GNB4: variants seen among roughly 807,000 people sequenced by gnomAD.
GNB4 encodes the protein G protein subunit beta 4, also known as guanine nucleotide-binding protein subunit beta-4.
In GNB4, 28 loss-of-function variants were observed where a neutral mutation model predicts 45.2. The ratio of observed to expected loss-of-function variants is 0.62; its 90% CI spans 0.46 to 0.85. The LOEUF is 0.85. GNB4 is among the 40% of genes least tolerant of loss of function. The probability of loss-of-function intolerance (pLI) is 0.00; values close to 1 mark genes in which losing one functional copy is unlikely to be tolerated. For missense variants in GNB4, 321 were observed against 425.4 expected (o/e 0.75, Z 2.16); for synonymous variants, 132 against 143.7 (o/e 0.92, Z 0.58).
At chr3:179,462,529 T>G in the GNB4 span, among the ~76,000 whole-genome samples, 1 of 152,180 alleles carries the variant, frequency 6.6e-6, no homozygotes, top group Non-Finnish European at 1.5e-5. Context: ...TGAACTTCTT[T>G]TTTAAAATCT....
chr3:179,488,839 C>G, the GNB4 span, among the ~76,000 whole-genome samples: 1 of 150,316 alleles, frequency 6.7e-6, no homozygotes, highest in Non-Finnish European at 1.5e-5. Context: ...AAAACATTTG[C>G]CAGGCATGGT....
the GNB4 span, among the ~76,000 whole-genome samples, chr3:179,500,515 G>A: frequency 5.3e-5 from 8 of 152,270 alleles, no homozygotes; most frequent in East Asian, 1.9e-4. Flanking sequence ...GTCAGGTAGC[G>A]TGATGCCTCC....
intron 8 of GNB4, among the ~76,000 whole-genome samples, chr3:179,408,969 G>A (rs953467941): frequency 6.8e-6 from 1 of 147,176 alleles, no homozygotes; most frequent in African/African-American, 2.5e-5. Flanking sequence ...AACATGGCAA[G>A]ACCCTATCTC....
the GNB4 span, among the ~76,000 whole-genome samples, chr3:179,460,237 G>A: frequency 6.6e-6 from 1 of 152,188 alleles, no homozygotes; most frequent in Non-Finnish European, 1.5e-5. Context: ...GTGTTAGGGA[G>A]TTTGTATTTT....
chr3:179,446,587 A>AT (rs921446673), intron 1 of GNB4, among the ~76,000 whole-genome samples: 41 of 151,880 alleles, frequency 2.7e-4, no homozygotes, highest in African/African-American at 8.9e-4. Flanking sequence ...TTTCAAATCT[A>AT]TTTTTTTTAA....
At position 179,413,692 on chromosome 3, in the gene GNB4, G is replaced by A. The variant is rs375356541; in HGVS notation, c.497+23C>T. 1.9e-6 allele frequency: 3 copies of A among 1,611,752 alleles called. No individual in the cohort carries two copies. The African/African-American group carries it at 4.0e-5, about 22-fold the overall frequency. Reference sequence around the variant, plus strand: ...GCTACCACCCTCAAACCCATAATCAGTGTGCTTCTGGAATAAACTTACCAA... The same window carrying A: ...GCTACCACCCTCAAACCCATAATCAATGTGCTTCTGGAATAAACTTACCAA... On this transcript the variant is annotated intron_variant, in intron 7 of 9. Coordinates refer to ENST00000232564, the MANE Select transcript of GNB4 (RefSeq NM_021629.4).
the GNB4 span, among the ~76,000 whole-genome samples, chr3:179,461,472 G>C: frequency 6.8e-6 from 1 of 147,798 alleles, no homozygotes; most frequent in African/African-American, 2.5e-5. Context: ...ACTCCAGCCT[G>C]GGCGACAGAG....
At chr3:179,403,910 G>T (rs1443056322) in intron 9 of GNB4, among the ~76,000 whole-genome samples, 1 of 152,054 alleles carries the variant, frequency 6.6e-6, no homozygotes, top group African/African-American at 2.4e-5. Flanking sequence ...GGGAGATCTA[G>T]AAAAAGGGAA....
intron 2 of GNB4, among the ~76,000 whole-genome samples, chr3:179,422,405 T>C (rs1008455874): frequency 6.6e-6 from 1 of 151,262 alleles, no homozygotes; most frequent in Non-Finnish European, 1.5e-5. Context: ...GGAGGAAGGA[T>C]CGCTCGAGCC....
At chr3:179,440,828 T>C (rs750468580) in intron 1 of GNB4, among the ~76,000 whole-genome samples, 1 of 152,082 alleles carries the variant, frequency 6.6e-6, no homozygotes, top group Non-Finnish European at 1.5e-5. Context: ...AGTGTTGATA[T>C]GTTTCTATTC....
intron 2 of GNB4, among the ~76,000 whole-genome samples, chr3:179,425,065 C>T (rs1715103548): frequency 1.3e-5 from 2 of 152,344 alleles, no homozygotes; most frequent in South Asian, 4.1e-4. Flanking sequence ...AAGAAGTAGG[C>T]AGCTGCCAGG....
chr3:179,455,316 G>T (rs959328552), upstream of GNB4, among the ~76,000 whole-genome samples: 1 of 152,110 alleles, frequency 6.6e-6, no homozygotes, highest in East Asian at 1.9e-4. Flanking sequence ...GGGAATTCAG[G>T]TCCCCGGAAA....
chr3:179,416,744 C>T (rs1446643806), intron 4 of GNB4, among the ~76,000 whole-genome samples, 188 bp from the exon 5 acceptor site: 1 of 152,170 alleles, frequency 6.6e-6, no homozygotes, highest in Non-Finnish European at 1.5e-5. Flanking sequence ...GAACATATTT[C>T]ATAAAATAAA....
upstream of GNB4, among the ~76,000 whole-genome samples, chr3:179,451,910 TA>T (rs1221596127): frequency 6.6e-6 from 1 of 152,070 alleles, no homozygotes; most frequent in Admixed American, 6.5e-5. Context: ...TGTCAGAAAG[TA>T]AACTGAAGCC....
chr3:179,410,800 A>G (rs1714629002), intron 8 of GNB4, among the ~76,000 whole-genome samples: 1 of 152,174 alleles, frequency 6.6e-6, no homozygotes, highest in African/African-American at 2.4e-5. Flanking sequence ...TAAAACAGAA[A>G]TTACCAACAT....
chr3:179,467,204 G>A, the GNB4 span, among the ~76,000 whole-genome samples: 1 of 151,976 alleles, frequency 6.6e-6, no homozygotes. Flanking sequence ...GTTTAGAGAT[G>A]GGCTCACTAT....
At chr3:179,471,498 T>C in the GNB4 span, among the ~76,000 whole-genome samples, 1 of 152,228 alleles carries the variant, frequency 6.6e-6, no homozygotes, top group Non-Finnish European at 1.5e-5. Context: ...TTGCCTACAG[T>C]ATTTAGTACA....
upstream of GNB4, among the ~76,000 whole-genome samples, chr3:179,455,632 T>C (rs570573444): frequency 1.7e-4 from 26 of 152,360 alleles, no homozygotes; most frequent in African/African-American, 6.0e-4. Flanking sequence ...CTGATCTGTT[T>C]CTGTTAAGTG....
the GNB4 span, among the ~76,000 whole-genome samples, chr3:179,457,023 A>C: frequency 6.6e-6 from 1 of 152,192 alleles, no homozygotes; most frequent in Non-Finnish European, 1.5e-5. Context: ...GAAAAGATGA[A>C]AAGGAGCCCT....
Sources: gnomAD v4.1 joint callset for allele counts (sites outside exome capture counted in the v4.1 genomes callset) on GRCh38, gnomAD v4.1.1 for gene constraint, MANE v1.5 for transcripts, NCBI Gene and HGNC (gene_info 2026-07-23, HGNC 2026-07-21) for gene names.